Variants in KIF16B observed in about 807,000 individuals in gnomAD.
The protein encoded by KIF16B is kinesin-like protein KIF16B.
A neutral mutation model predicts 156.3 loss-of-function variants in KIF16B; 98 were observed. The observed-to-expected ratio is 0.63, with a 90% CI of 0.53 to 0.74. KIF16B has a LOEUF of 0.74. Ranked by LOEUF, KIF16B falls within the 30% of genes least tolerant of loss-of-function variation. The pLI, the probability that KIF16B is intolerant of heterozygous loss-of-function variation, is 0.00. For missense variants in KIF16B, 1,421 were observed against 1,606.5 expected, an observed-to-expected ratio of 0.88 and a Z score of 1.97; for synonymous variants, 564 against 583.7, an observed-to-expected ratio of 0.97 and a Z score of 0.49.
chr20:16,558,913 A>G (rs1600698236), intron 1 of KIF16B, among the ~76,000 whole-genome samples: 1 of 151,996 alleles, frequency 6.6e-6, no homozygotes, highest in African/African-American at 2.4e-5. Context: ...AAAAAAAAAA[A>G]AAAAAAAACC....
At chr20:16,428,759 T>C (rs147056732) in intron 14 of KIF16B, among the ~76,000 whole-genome samples, 194 bp downstream of exon 14, 1 of 152,298 alleles carries the variant, frequency 6.6e-6, no homozygotes, top group East Asian at 1.9e-4. Flanking sequence ...TGTTCTGCAT[T>C]ATTCATTTGA....
intron 15 of KIF16B, among the ~76,000 whole-genome samples, chr20:16,420,931 T>C (rs879244075): frequency 6.6e-6 from 1 of 152,108 alleles, no homozygotes; most frequent in South Asian, 2.1e-4. Flanking sequence ...CGAGATGAAA[T>C]AGCACACACA....
chr20:16,402,625 C>T (rs1367538473), intron 17 of KIF16B, among the ~76,000 whole-genome samples: 1 of 152,182 alleles, frequency 6.6e-6, no homozygotes, highest in Non-Finnish European at 1.5e-5. Flanking sequence ...GCATCCCAGG[C>T]TCTGGAACTA....
At chr20:16,274,732 T>G (rs1434177243) in intron 25 of KIF16B, among the ~76,000 whole-genome samples, 1 of 152,210 alleles carries the variant, frequency 6.6e-6, no homozygotes, top group Non-Finnish European at 1.5e-5. Context: ...GTTTTGAGTG[T>G]CACATAGGGG....
At chr20:16,372,886 CAG>C (rs2064856928) in intron 20 of KIF16B, among the ~76,000 whole-genome samples, 1 of 152,166 alleles carries the variant, frequency 6.6e-6, no homozygotes, top group African/African-American at 2.4e-5. Flanking sequence ...TTAGTAGAGA[CAG>C]GGTTTCACTA....
intron 22 of KIF16B, chr20:16,366,883 C>A: frequency 8.4e-7 from 1 of 1,184,768 alleles, no homozygotes; most frequent in East Asian, 4.1e-5. Context: ...AATAATGAAG[C>A]AGGCACAAAT....
intron 23 of KIF16B, among the ~76,000 whole-genome samples, chr20:16,337,206 G>T (rs1300875846): frequency 6.6e-6 from 1 of 152,142 alleles, no homozygotes; most frequent in African/African-American, 2.4e-5. Context: ...GCTCCTTTAT[G>T]GGAACTTAAC....
intron 1 of KIF16B, among the ~76,000 whole-genome samples, chr20:16,552,556 C>T (rs919722520): frequency 6.6e-6 from 1 of 152,116 alleles, no homozygotes; most frequent in Non-Finnish European, 1.5e-5. Context: ...ACCCAACCCC[C>T]CACCATGGGC....
chr20:16,380,834 C>T (rs570734430), intron 18 of KIF16B, among the ~76,000 whole-genome samples: 1 of 152,194 alleles, frequency 6.6e-6, no homozygotes, highest in South Asian at 2.1e-4. Flanking sequence ...CAAATGATCT[C>T]CACTGGGTAC....
intron 1 of KIF16B, among the ~76,000 whole-genome samples, chr20:16,545,444 C>T (rs2070369732): frequency 6.6e-6 from 1 of 151,620 alleles, no homozygotes; most frequent in African/African-American, 2.4e-5. Flanking sequence ...GTGGGTGGAT[C>T]ACTTGAGGTC....
intron 25 of KIF16B, among the ~76,000 whole-genome samples, chr20:16,278,753 G>A (rs1436190821): frequency 6.6e-6 from 1 of 152,170 alleles, no homozygotes; most frequent in Non-Finnish European, 1.5e-5. Context: ...GGGGGATGTG[G>A]TGATATGAGA....
chr20:16,483,466 T>C (rs2068034267), intron 12 of KIF16B, among the ~76,000 whole-genome samples: 1 of 152,224 alleles, frequency 6.6e-6, no homozygotes, highest in South Asian at 2.1e-4. Flanking sequence ...TCATTTCTTT[T>C]CTGCCCAGCT....
chr20:16,444,044 A>G (rs1412913693), intron 12 of KIF16B, among the ~76,000 whole-genome samples: 3 of 152,244 alleles, frequency 2.0e-5, no homozygotes, highest in Non-Finnish European at 4.4e-5. Flanking sequence ...CAAGCCAGCT[A>G]TCTAAACATC....
At chr20:16,473,304 T>C (rs2067715588) in intron 12 of KIF16B, among the ~76,000 whole-genome samples, 1 of 152,166 alleles carries the variant, frequency 6.6e-6, no homozygotes, top group South Asian at 2.1e-4. Flanking sequence ...AAATTTTGCT[T>C]AATGTGATGT....
chr20:16,429,294 T>C (rs1204634314), intron 13 of KIF16B, among the ~76,000 whole-genome samples: 2 of 152,202 alleles, frequency 1.3e-5, no homozygotes, highest in South Asian at 2.1e-4. Context: ...GGTTCTCCAG[T>C]GGCCAAGAGA....
In KIF16B at chr20:16,379,866, G is replaced by C. The variant is rs1208544683; in HGVS notation, c.2136C>G (p.Leu712=). The change falls in exon 19 of 26, where the codon CTC becomes CTG. Residue 712 remains leucine (L), a synonymous_variant. Transcript: ENST00000354981. ...FLRVQEELQR[L]KELNNNEKAE... is the part of the protein sequence containing the mutation. ...CCTTCTCGTTGTTGTTGAGTTCTTTGAGTCGTTGGAGTTCTTCTTGGACGC... is the reference window on the plus strand; with the variant it reads ...CCTTCTCGTTGTTGTTGAGTTCTTTCAGTCGTTGGAGTTCTTCTTGGACGC... 1.9e-6 allele frequency: 3 copies of C among 1,614,146 alleles called. No homozygotes were observed. The highest frequency in any genetic ancestry group is 1.1e-5 in the South Asian group (1 of 91,078).
chr20:16,483,730 T>C lies in KIF16B; in HGVS notation c.1302+10561A>G, dbSNP rs149349289. Among the ~76,000 whole-genome samples, 315 of 152,180 alleles carry C rather than the reference T, an allele frequency of 2.1e-3. 1 individual carries two copies. The highest frequency in any genetic ancestry group is 3.9e-3 in the Admixed American group (60 of 15,286). On this transcript the variant is annotated intron_variant, in intron 12 of 25. Transcript: ENST00000354981. ...CCAACGTCAGAAAAATCATAAATTA[T>C]TGATCCAGAGTAACACACAGGCAAA...
intron 7 of KIF16B, 145 bp downstream of exon 7, chr20:16,507,813 T>G (rs2068831563): frequency 1.3e-6 from 1 of 796,430 alleles, no homozygotes; most frequent in Non-Finnish European, 2.0e-6. Context: ...ACAGCACATG[T>G]TCAACTCTAA....
chr20:16,459,848 T>C (rs2067300241), intron 12 of KIF16B, among the ~76,000 whole-genome samples: 1 of 152,196 alleles, frequency 6.6e-6, no homozygotes, highest in African/African-American at 2.4e-5. Flanking sequence ...TTCCCAGCCT[T>C]TCCTTTACTT....
Sources: gnomAD v4.1 joint callset for allele counts (sites outside exome capture counted in the v4.1 genomes callset) on GRCh38, gnomAD v4.1.1 for gene constraint, MANE v1.5 for transcripts, NCBI Gene and HGNC (gene_info 2026-07-23, HGNC 2026-07-21) for gene names.